The following CATSPERE variants were observed in gnomAD, a reference collection of about 807,000 sequenced individuals.
CATSPERE encodes cation channel sperm-associated auxiliary subunit epsilon.
A neutral mutation model predicts 114.1 loss-of-function variants in CATSPERE; 93 were observed. The ratio of observed to expected loss-of-function variants is 0.81; its 90% confidence interval spans 0.69 to 0.97. The LOEUF (loss-of-function observed/expected upper bound fraction) is 0.97, where lower values mean the gene tolerates loss of function less well. Among genes scored for constraint, CATSPERE ranks in the 50% least tolerant of loss-of-function variants. The pLI is 0.00. For synonymous variants in CATSPERE, 341 were observed against 384.1 expected (o/e 0.89, Z 1.31); for missense variants, 1,058 against 1,131.6 (o/e 0.93, Z 0.93).
chr1:244,561,415 A>G (rs1219925480), intron 10 of CATSPERE, among the ~76,000 whole-genome samples: 1 of 152,166 alleles, frequency 6.6e-6, no homozygotes, highest in African/African-American at 2.4e-5. Flanking sequence ...ATTTATATAT[A>G]CATCGTAGGG....
At chr1:244,493,192 A>T (rs1672514469) in intron 6 of CATSPERE, among the ~76,000 whole-genome samples, 1 of 152,204 alleles carries the variant, frequency 6.6e-6, no homozygotes, top group African/African-American at 2.4e-5. Context: ...CTGACTTCAA[A>T]CTATATATAC....
rs1294858269 is a variant in CATSPERE at position 244,505,193 on chromosome 1, T to C, written c.429+6114T>C. On this transcript the variant is annotated intron_variant, in intron 7 of 21. Transcript: ENST00000366534. ...TTGTTGTTAACACTCTCTTTCTTACTGGCACTATAAGATGCTCCAAGCTAA... is the reference window on the plus strand; with the variant it reads ...TTGTTGTTAACACTCTCTTTCTTACCGGCACTATAAGATGCTCCAAGCTAA... 2.0e-5 allele frequency among the ~76,000 whole-genome samples: 3 copies of C among 152,190 alleles called. No individual in the cohort carries two copies. In the East Asian group the frequency reaches 5.8e-4, roughly 29 times the overall value.
At chr1:244,527,136 C>T (rs1017382776) in intron 8 of CATSPERE, among the ~76,000 whole-genome samples, 28 of 152,152 alleles carry the variant, frequency 1.8e-4, no homozygotes, top group African/African-American at 6.8e-4. Flanking sequence ...TATCAGGAGA[C>T]AGGGTTTGAG....
At chr1:244,455,247 G>T (rs1260910750) in intron 1 of CATSPERE, among the ~76,000 whole-genome samples, 1 of 151,968 alleles carries the variant, frequency 6.6e-6, no homozygotes, top group African/African-American at 2.4e-5. Flanking sequence ...ATTTATTGAG[G>T]TTCCCGCGTC....
chr1:244,467,317 G>A (rs1233957172), intron 2 of CATSPERE, among the ~76,000 whole-genome samples: 1 of 151,978 alleles, frequency 6.6e-6, no homozygotes, highest in Admixed American at 6.6e-5. Context: ...AAAGAAAGGA[G>A]GAAAAGACCT....
chr1:244,596,660 C>CG (rs962462315), intron 17 of CATSPERE, among the ~76,000 whole-genome samples: 14 of 151,706 alleles, frequency 9.2e-5, no homozygotes, highest in African/African-American at 3.4e-4. Flanking sequence ...CTCACGCATG[C>CG]GGGGCTTAAA....
chr1:244,595,938 AG>A (rs1280941589), intron 17 of CATSPERE, among the ~76,000 whole-genome samples: 1 of 152,006 alleles, frequency 6.6e-6, no homozygotes, highest in Non-Finnish European at 1.5e-5. Context: ...GTCTCAAAAA[AG>A]AAAAAAAAAA....
At chr1:244,624,513 A>C (rs6676971) in intron 20 of CATSPERE, among the ~76,000 whole-genome samples, 88,494 of 151,914 alleles carry the variant, frequency 0.58, 26,634 homozygotes, top group Middle Eastern at 0.71. Context: ...CATCTCAAGA[A>C]AGCAACGCTG....
chr1:244,452,213 C>T (rs1042951644), upstream of CATSPERE: 14 of 162,058 alleles, frequency 8.6e-5, no homozygotes, highest in Admixed American at 6.4e-5. Flanking sequence ...ACCCGCTCTA[C>T]CTCTCGCTTT....
chr1:244,630,691 TC>T (rs779962517), intron 20 of CATSPERE, among the ~76,000 whole-genome samples: 32 of 152,202 alleles, frequency 2.1e-4, no homozygotes, highest in Non-Finnish European at 5.9e-5. Context: ...TGTTCTGGGA[TC>T]AAAACCTTTG....
rs1660828015 is a variant in CATSPERE at position 244,552,567 on chromosome 1, A to G, written c.782A>G (p.His261Arg). ...TTGGTGACAGATATGGAGACCTTTC[A>G]CACAACTGATTCATTCAAATCTTGG... The part of the protein sequence containing the change: ...AVLVTDMETF[H>R]TTDSFKSWTR... Residue 261 changes from histidine (H) to arginine (R), a missense_variant, in exon 9 of 22, where the codon CAC becomes CGC. Around this residue, in one of 2 missense-constraint regions of CATSPERE, gnomAD observed 787 missense variants for 905.6 expected, o/e 0.87. Coordinates refer to ENST00000366534, the MANE Select transcript of CATSPERE (RefSeq NM_001130957.2). 6.2e-7 allele frequency: 1 copy of G among 1,614,068 alleles called. No individual in the cohort carries two copies. The highest frequency in any genetic ancestry group is 1.3e-5 in the African/African-American group (1 of 74,918).
At chr1:244,571,052 G>A (rs1664373195) in intron 10 of CATSPERE, among the ~76,000 whole-genome samples, 1 of 152,094 alleles carries the variant, frequency 6.6e-6, no homozygotes, top group Non-Finnish European at 1.5e-5. Flanking sequence ...GTATTGTTTT[G>A]TTTCCTGAAG....
chr1:244,614,675 A>G (rs2819008), intron 19 of CATSPERE, among the ~76,000 whole-genome samples: 23,602 of 152,170 alleles, frequency 0.16, 2,019 homozygotes, highest in East Asian at 0.29. Context: ...CCAGGGGTGT[A>G]CACACAGCTC....
At chr1:244,578,841 T>TAC (rs1553369173) in intron 11 of CATSPERE, among the ~76,000 whole-genome samples, 62 of 146,642 alleles carry the variant, frequency 4.2e-4, no homozygotes, top group African/African-American at 1.3e-3. Context: ...TATATATATA[T>TAC]ATACACACAC....
chr1:244,464,339 T>C (rs1268885963), intron 2 of CATSPERE, among the ~76,000 whole-genome samples: 1 of 152,238 alleles, frequency 6.6e-6, no homozygotes, highest in Non-Finnish European at 1.5e-5. Context: ...CCTCATTCTC[T>C]ATATTACTTT....
intron 12 of CATSPERE, 140 bp downstream of exon 12, chr1:244,581,994 T>G (rs548566882): frequency 4.5e-6 from 2 of 440,022 alleles, no homozygotes; most frequent in African/African-American, 4.2e-5. Flanking sequence ...TCTGGATAGA[T>G]GTAAAATTAA....
At chr1:244,454,189 G>A (rs1035908664), upstream of CATSPERE, among the ~76,000 whole-genome samples, 1 of 152,124 alleles carries the variant, frequency 6.6e-6, no homozygotes, top group Admixed American at 6.5e-5. Flanking sequence ...GGCTCAACAG[G>A]CCTGTCTCGG....
intron 19 of CATSPERE, among the ~76,000 whole-genome samples, chr1:244,611,784 C>A (rs1670764131): frequency 6.6e-6 from 1 of 152,090 alleles, no homozygotes; most frequent in Admixed American, 6.5e-5. Flanking sequence ...CCTAAATATT[C>A]TAAGATTCTG....
At chr1:244,601,083 A>G (rs1221313060) in intron 17 of CATSPERE, among the ~76,000 whole-genome samples, 6 of 152,222 alleles carry the variant, frequency 3.9e-5, no homozygotes, top group Non-Finnish European at 5.9e-5. Context: ...GAAAGTAGGC[A>G]TATTTTAAAA....
Sources: allele counts gnomAD v4.1 joint callset (sites outside exome capture counted in the v4.1 genomes callset), GRCh38; gene constraint gnomAD v4.1.1; regional missense constraint gnomAD v4.1.1; transcripts MANE v1.5; gene names NCBI Gene and HGNC (gene_info 2026-07-23, HGNC 2026-07-21).